The following LRRC37A2 variants were observed in gnomAD, a reference collection of about 807,000 sequenced individuals.
LRRC37A2 encodes the protein leucine-rich repeat-containing protein 37A2.
In LRRC37A2, 9 loss-of-function variants were observed where a neutral mutation model predicts 68.8. That is an observed-to-expected ratio of 0.13 (90% CI 0.08 to 0.23). The LOEUF (loss-of-function observed/expected upper bound fraction) is 0.23, where lower values mean the gene tolerates loss of function less well. Ranked by LOEUF, LRRC37A2 falls within the 10% of genes least tolerant of loss-of-function variation. The pLI, the probability that LRRC37A2 is intolerant of heterozygous loss-of-function variation, is 1.00. For synonymous variants in LRRC37A2, 63 were observed against 367.6 expected, an observed-to-expected ratio of 0.17 and a Z score of 9.48; for missense variants, 168 against 950.4, an observed-to-expected ratio of 0.18 and a Z score of 10.82.
chr17:46,932,546 T>C, the LRRC37A2 span: 8 of 521,658 alleles, frequency 1.5e-5, no homozygotes, highest in Admixed American at 1.4e-4. Flanking sequence ...AGGCCATTTG[T>C]AGAGAAGGCA....
chr17:46,679,392 T>G, the LRRC37A2 span, among the ~76,000 whole-genome samples: 6 of 137,514 alleles, frequency 4.4e-5, no homozygotes, highest in Non-Finnish European at 7.7e-5. Context: ...ATGAATATTT[T>G]TAAAGGATAG....
chr17:47,018,123 G>A, the LRRC37A2 span: 65 of 1,547,652 alleles, frequency 4.2e-5, 1 homozygote, highest in Admixed American at 1.1e-3. Flanking sequence ...CATAACTTCA[G>A]AGCCTACCAA....
the LRRC37A2 span, among the ~76,000 whole-genome samples, chr17:46,773,128 C>T: frequency 1.3e-5 from 2 of 152,102 alleles, no homozygotes; most frequent in African/African-American, 2.4e-5. Flanking sequence ...GCAAGACGGC[C>T]GGAAAGTTAC....
chr17:46,495,473 C>T, the LRRC37A2 span, among the ~76,000 whole-genome samples: 7 of 147,692 alleles, frequency 4.7e-5, no homozygotes, highest in South Asian at 1.2e-3. Context: ...AAGCCTCCAC[C>T]TCCCAGGTTG....
chr17:46,723,387 T>C, the LRRC37A2 span, among the ~76,000 whole-genome samples: 1 of 152,230 alleles, frequency 6.6e-6, no homozygotes, highest in African/African-American at 2.4e-5. Context: ...AGATACCACA[T>C]TGGCTGCGGT....
the LRRC37A2 span, among the ~76,000 whole-genome samples, chr17:47,000,085 A>AT: frequency 1.1e-3 from 8 of 7,564 alleles, no homozygotes; most frequent in African/African-American, 2.1e-3. Context: ...AAAAAATAAA[A>AT]TAAAATAAAA....
chr17:46,958,286 A>G, the LRRC37A2 span, among the ~76,000 whole-genome samples: 8 of 152,350 alleles, frequency 5.3e-5, no homozygotes, highest in Non-Finnish European at 1.0e-4. Flanking sequence ...CCAAATAAGG[A>G]GAAATATGGG....
chr17:46,727,846 T>G, the LRRC37A2 span, among the ~76,000 whole-genome samples: 1 of 152,212 alleles, frequency 6.6e-6, no homozygotes, highest in Non-Finnish European at 1.5e-5. Flanking sequence ...CTGTGCATGC[T>G]TGCTCATTTA....
chr17:46,494,034 G>A, the LRRC37A2 span, among the ~76,000 whole-genome samples: 1 of 149,636 alleles, frequency 6.7e-6, no homozygotes, highest in Non-Finnish European at 1.5e-5. Flanking sequence ...TAATAGAGAT[G>A]GGGTTTCGCT....
the LRRC37A2 span, among the ~76,000 whole-genome samples, chr17:46,901,379 C>T: frequency 2.6e-5 from 4 of 152,082 alleles, no homozygotes; most frequent in Non-Finnish European, 5.9e-5. Flanking sequence ...CCAGGCCGGT[C>T]TTTAACTCCC....
At chr17:46,705,263 GTCTC>G in the LRRC37A2 span, among the ~76,000 whole-genome samples, 28 of 119,510 alleles carry the variant, frequency 2.3e-4, no homozygotes, top group African/African-American at 4.7e-4. Flanking sequence ...ATCCTCCTCT[GTCTC>G]TCTCTCTCTC....
At chr17:46,819,864 T>C in the LRRC37A2 span, among the ~76,000 whole-genome samples, 2 of 152,156 alleles carry the variant, frequency 1.3e-5, no homozygotes, top group African/African-American at 4.8e-5. This position sits in a 1 kb window ranked among gnomAD's most constrained non-coding sequence, Gnocchi z 5.3. Context: ...TGGTCAGGTT[T>C]TGGGGACTCA....
the LRRC37A2 span, chr17:46,936,914 G>T: frequency 5.0e-6 from 3 of 598,524 alleles, no homozygotes; most frequent in Non-Finnish European, 6.3e-6. Flanking sequence ...GATGCCTAAT[G>T]TTGATCTCAC....
the LRRC37A2 span, among the ~76,000 whole-genome samples, chr17:46,904,396 A>G: frequency 2.2e-5 from 3 of 134,912 alleles, no homozygotes; most frequent in Non-Finnish European, 4.7e-5. Context: ...CTGGCTGGAT[A>G]AATGGATGGA....
chr17:46,875,489 G>T, the LRRC37A2 span: 1 of 1,334,846 alleles, frequency 7.5e-7, no homozygotes, highest in Non-Finnish European at 1.0e-6. Flanking sequence ...CTTCATAAAG[G>T]CAGGATGAAC....
At chr17:46,987,150 G>A in the LRRC37A2 span, among the ~76,000 whole-genome samples, 1 of 152,156 alleles carries the variant, frequency 6.6e-6, no homozygotes, top group African/African-American at 2.4e-5. Flanking sequence ...GGCTGAGGAA[G>A]GAAAATCGCT....
At chr17:46,721,919 A>G in the LRRC37A2 span, 4 of 1,595,060 alleles carry the variant, frequency 2.5e-6, no homozygotes, top group East Asian at 2.2e-5. Context: ...CTTTTTCTCC[A>G]ATTCGCGTAC....
the LRRC37A2 span, among the ~76,000 whole-genome samples, chr17:46,758,931 C>T: frequency 1.3e-5 from 2 of 152,116 alleles, no homozygotes; most frequent in African/African-American, 2.4e-5. Context: ...GGCAGCCGGG[C>T]GCAGTAGCTC....
chr17:46,833,719 C>T, the LRRC37A2 span, among the ~76,000 whole-genome samples: 5 of 152,182 alleles, frequency 3.3e-5, no homozygotes, highest in Non-Finnish European at 2.9e-5. Flanking sequence ...CTGTTTCCCA[C>T]GTGAGTGAGC....
Sources: allele counts gnomAD v4.1 joint callset (sites outside exome capture counted in the v4.1 genomes callset), GRCh38; gene constraint gnomAD v4.1.1; non-coding constraint Gnocchi (gnomAD v3.1); transcripts MANE v1.5; gene names NCBI Gene and HGNC (gene_info 2026-07-23, HGNC 2026-07-21).